Variants in CNTN5 observed in about 807,000 individuals in gnomAD.
CNTN5 encodes contactin 5.
A neutral mutation model predicts 129.1 loss-of-function variants in CNTN5; 77 were observed. That is an observed-to-expected ratio of 0.60 (90% CI 0.50 to 0.72). The LOEUF (loss-of-function observed/expected upper bound fraction) is 0.72. Ranked by LOEUF, CNTN5 falls within the 30% of genes least tolerant of loss-of-function variation. CNTN5 has a pLI of 0.00. For missense variants in CNTN5, 1,478 were observed against 1,328.8 expected, an observed-to-expected ratio of 1.11 and a Z score of -1.75; for synonymous variants, 509 against 465.6, an observed-to-expected ratio of 1.09 and a Z score of -1.20.
chr11:99,619,790 G>T (rs1296458952), intron 3 of CNTN5, among the ~76,000 whole-genome samples: 1 of 151,956 alleles, frequency 6.6e-6, no homozygotes. Context: ...ACTTTGGGAG[G>T]CCGAGGCGGG....
chr11:99,137,791 T>A (rs1254602437), intron 1 of CNTN5, among the ~76,000 whole-genome samples: 1 of 150,130 alleles, frequency 6.7e-6, no homozygotes, highest in Non-Finnish European at 1.5e-5. Flanking sequence ...CCCTAGAAAC[T>A]TCATAAGTAT....
chr11:99,976,929 C>G lies in CNTN5; in HGVS notation c.877+19920C>G, dbSNP rs532642595. Reference sequence around the variant, plus strand: ...ATCTCATGGTCAGGCTACAAATTTTCCAAGCGTTTATTTTCTGCTTTCCTT... The same window carrying G: ...ATCTCATGGTCAGGCTACAAATTTTGCAAGCGTTTATTTTCTGCTTTCCTT... On this transcript the variant is annotated intron_variant, in intron 8 of 24. Coordinates refer to ENST00000524871, the MANE Select transcript of CNTN5 (RefSeq NM_014361.4). 7.2e-5 allele frequency among the ~76,000 whole-genome samples: 11 copies of G among 152,292 alleles called. No individual in the cohort carries two copies. The South Asian group carries it at 2.3e-3, about 32-fold the overall frequency.
chr11:99,819,513 T>A (rs1421004566), intron 3 of CNTN5, 31 bp from the exon 4 acceptor site: 2 of 1,560,988 alleles, frequency 1.3e-6, no homozygotes, highest in Non-Finnish European at 1.8e-6. Context: ...TTCCTCAAAA[T>A]TCAGATTTTA....
intron 3 of CNTN5, among the ~76,000 whole-genome samples, chr11:99,775,020 AT>A (rs1775788454): frequency 6.6e-6 from 1 of 152,050 alleles, no homozygotes; most frequent in Admixed American, 6.6e-5. Context: ...TAAATTGACC[AT>A]GCTTTGGCAG....
chr11:99,138,052 T>G (rs1458807720), intron 1 of CNTN5, among the ~76,000 whole-genome samples: 1 of 152,172 alleles, frequency 6.6e-6, no homozygotes, highest in East Asian at 1.9e-4. Flanking sequence ...CTAGCAAAAG[T>G]TTTTAGCTGA....
chr11:99,554,476 C>A (rs1948602970), intron 2 of CNTN5, among the ~76,000 whole-genome samples: 1 of 152,150 alleles, frequency 6.6e-6, no homozygotes, highest in South Asian at 2.1e-4. Context: ...TGGGTTTTCC[C>A]TCTGACAGTC....
At chr11:99,480,938 G>A (rs1945572628) in intron 2 of CNTN5, among the ~76,000 whole-genome samples, 1 of 152,132 alleles carries the variant, frequency 6.6e-6, no homozygotes, top group South Asian at 2.1e-4. Context: ...TGGGGATATT[G>A]TGTATCTAAG....
intron 1 of CNTN5, among the ~76,000 whole-genome samples, chr11:99,285,257 A>T (rs1421473655): frequency 6.6e-6 from 1 of 152,142 alleles, no homozygotes; most frequent in Non-Finnish European, 1.5e-5. Flanking sequence ...GATCTATTGG[A>T]ATTAAAACCT....
At chr11:100,035,827 T>G (rs1385300733) in intron 9 of CNTN5, among the ~76,000 whole-genome samples, 1 of 152,106 alleles carries the variant, frequency 6.6e-6, no homozygotes, top group Non-Finnish European at 1.5e-5. Flanking sequence ...TGTTTTTTTC[T>G]TGTAAATTTG....
Position 100,075,665 on chromosome 11 carries a change from T to C in CNTN5, c.1580+1371T>C, listed in dbSNP as rs572757172. On this transcript the variant is annotated intron_variant, in intron 13 of 24. Transcript: ENST00000524871. ...TCTTGGCCATTTTGTGTGGTATTCC[T>C]TTCCTCCAGGTGTAGGACAAATCAC... is the stretch of plus-strand genomic sequence containing the variant. Among the ~76,000 whole-genome samples, 10 of 152,262 alleles carry C rather than the reference T, an allele frequency of 6.6e-5. No homozygotes were observed. In the South Asian group the frequency reaches 1.9e-3, roughly 28 times the overall value.
intron 9 of CNTN5, among the ~76,000 whole-genome samples, chr11:100,049,363 G>C (rs185780260): frequency 5.9e-5 from 9 of 151,670 alleles, no homozygotes; most frequent in Admixed American, 5.9e-4. Context: ...CAAACACATA[G>C]CACAAAAAAC....
chr11:99,472,797 G>A (rs11220085), intron 2 of CNTN5, among the ~76,000 whole-genome samples: 2 of 151,796 alleles, frequency 1.3e-5, no homozygotes, highest in African/African-American at 4.8e-5. Flanking sequence ...CCCTCCCCAG[G>A]TGCACACCAC....
intron 7 of CNTN5, among the ~76,000 whole-genome samples, chr11:99,939,088 T>C (rs1950377536): frequency 6.6e-6 from 1 of 152,064 alleles, no homozygotes; most frequent in Non-Finnish European, 1.5e-5. Context: ...ATTTCTGTAT[T>C]CTAAAAAAAA....
intron 13 of CNTN5, among the ~76,000 whole-genome samples, chr11:100,094,872 GT>G (rs1944947783): frequency 6.6e-6 from 1 of 151,954 alleles, no homozygotes; most frequent in Non-Finnish European, 1.5e-5. Flanking sequence ...TTGAGGAAAG[GT>G]AACACATCTT....
At chr11:99,079,432 A>G (rs1329845708) in intron 1 of CNTN5, among the ~76,000 whole-genome samples, 1 of 152,192 alleles carries the variant, frequency 6.6e-6, no homozygotes, top group African/African-American at 2.4e-5. Flanking sequence ...GTAGCATGTA[A>G]TGACCATGAT....
chr11:99,921,350 C>A (rs1468215800), intron 7 of CNTN5, among the ~76,000 whole-genome samples: 1 of 152,214 alleles, frequency 6.6e-6, no homozygotes, highest in Non-Finnish European at 1.5e-5. Context: ...AACAACCAGA[C>A]AAGCTCCTAC....
intron 21 of CNTN5, among the ~76,000 whole-genome samples, chr11:100,322,414 T>G (rs1359206883): frequency 6.6e-6 from 1 of 152,062 alleles, no homozygotes; most frequent in Non-Finnish European, 1.5e-5. Context: ...AGTAGAGACA[T>G]GGTTTCACCA....
chr11:100,215,962 C>T (rs57598825), intron 15 of CNTN5, among the ~76,000 whole-genome samples: 1 of 152,010 alleles, frequency 6.6e-6, no homozygotes, highest in South Asian at 2.1e-4. Context: ...GACCAGAGAT[C>T]GAAGGTGAAA....
chr11:99,493,660 G>C (rs1011091626), intron 2 of CNTN5, among the ~76,000 whole-genome samples: 1 of 152,106 alleles, frequency 6.6e-6, no homozygotes, highest in Non-Finnish European at 1.5e-5. Flanking sequence ...AAAATTAAAT[G>C]TTAAGAAGAA....
Sources: gnomAD v4.1 joint callset for allele counts (sites outside exome capture counted in the v4.1 genomes callset) on GRCh38, gnomAD v4.1.1 for gene constraint, MANE v1.5 for transcripts, NCBI Gene and HGNC (gene_info 2026-07-23, HGNC 2026-07-21) for gene names.